The following VRK2 variants were observed in gnomAD, a reference collection of about 807,000 sequenced individuals.
VRK2 encodes the protein serine/threonine-protein kinase VRK2.
In VRK2, 60 loss-of-function variants were observed where a neutral mutation model predicts 57.6. The observed-to-expected ratio is 1.04, with a 90% CI of 0.85 to 1.29. VRK2 has a LOEUF of 1.29. Among genes scored for constraint, VRK2 ranks in the 50% most tolerant of loss-of-function variants. The pLI is 0.00. For missense variants in VRK2, 705 were observed against 588.1 expected (o/e 1.20, Z -2.06); for synonymous variants, 231 against 199.2 (o/e 1.16, Z -1.35).
At chr2:57,974,287 CAA>C (rs1419656915) in intron 1 of VRK2, among the ~76,000 whole-genome samples, 1 of 151,790 alleles carries the variant, frequency 6.6e-6, no homozygotes, top group African/African-American at 2.4e-5. Context: ...ATTGTCAGAT[CAA>C]GTGTGAACTT....
chr2:57,930,839 CAG>C (rs1308761857), intron 1 of VRK2, among the ~76,000 whole-genome samples: 1 of 152,058 alleles, frequency 6.6e-6, no homozygotes, highest in Non-Finnish European at 1.5e-5. Flanking sequence ...AGATATCATG[CAG>C]TATTTGTCGT....
At chr2:58,031,671 G>A (rs1187461909) in intron 2 of VRK2, among the ~76,000 whole-genome samples, 1 of 151,980 alleles carries the variant, frequency 6.6e-6, no homozygotes, top group Non-Finnish European at 1.5e-5. Context: ...GAAAATCTAG[G>A]TAAAACTGAC....
chr2:58,129,522 AAAAT>A (rs1573283034), intron 8 of VRK2, among the ~76,000 whole-genome samples: 1 of 152,202 alleles, frequency 6.6e-6, no homozygotes, highest in African/African-American at 2.4e-5. Flanking sequence ...AAATTAAAAA[AAAAT>A]TTTTATAGTT....
At chr2:57,923,322 T>C (rs1670416626) in intron 1 of VRK2, among the ~76,000 whole-genome samples, 1 of 152,054 alleles carries the variant, frequency 6.6e-6, no homozygotes, top group Non-Finnish European at 1.5e-5. Flanking sequence ...TCCACAGTGA[T>C]TGTACTAGTT....
intron 12 of VRK2, among the ~76,000 whole-genome samples, chr2:58,150,741 CA>C (rs768737967): frequency 4.6e-5 from 7 of 151,088 alleles, no homozygotes; most frequent in Non-Finnish European, 7.4e-5. Flanking sequence ...TTTTTTCCTT[CA>C]TTTTTTTTCT....
At chr2:57,959,290 C>T (rs954883435) in intron 1 of VRK2, among the ~76,000 whole-genome samples, 7 of 152,108 alleles carry the variant, frequency 4.6e-5, no homozygotes, top group African/African-American at 7.2e-5. Flanking sequence ...ATCATTCTTT[C>T]GGAAACATGT....
chr2:58,094,030 G>A (rs1256317271), intron 7 of VRK2, among the ~76,000 whole-genome samples: 10 of 152,284 alleles, frequency 6.6e-5, no homozygotes, highest in African/African-American at 2.2e-4. Context: ...CTATATCTCT[G>A]TTTTGGTACC....
intron 2 of VRK2, among the ~76,000 whole-genome samples, chr2:58,027,701 T>C (rs949169753): frequency 3.3e-5 from 5 of 152,084 alleles, no homozygotes; most frequent in African/African-American, 9.7e-5. Context: ...ATAGAAATAA[T>C]GACATAACTT....
intron 8 of VRK2, among the ~76,000 whole-genome samples, 177 bp from the exon 9 acceptor site, chr2:58,131,621 AGTCACTGCCT>A (rs1409446825): frequency 6.6e-6 from 1 of 152,148 alleles, no homozygotes; most frequent in East Asian, 1.9e-4. Flanking sequence ...AACAGCAACC[AGTCACTGCCT>A]GTCTGTGGAC....
At chr2:58,151,020 C>G (rs1318707878) in intron 12 of VRK2, among the ~76,000 whole-genome samples, 1 of 151,626 alleles carries the variant, frequency 6.6e-6, no homozygotes, top group Non-Finnish European at 1.5e-5. Flanking sequence ...TTAAAATTCA[C>G]TGAAACTTAT....
intron 12 of VRK2, among the ~76,000 whole-genome samples, chr2:58,158,165 G>A (rs1384749734): frequency 7.4e-6 from 1 of 134,488 alleles, no homozygotes; most frequent in East Asian, 2.2e-4. Flanking sequence ...ATATGTAAAT[G>A]CTGCTCTATG....
intron 8 of VRK2, 86 bp downstream of exon 8, chr2:58,123,319 C>A: frequency 6.7e-7 from 1 of 1,492,218 alleles, no homozygotes; most frequent in Non-Finnish European, 8.9e-7. Context: ...ATGACCTTTG[C>A]ATAGTCAGTT....
At chr2:57,946,442 G>C (rs78104330) in intron 1 of VRK2, among the ~76,000 whole-genome samples, 10,732 of 151,764 alleles carry the variant, frequency 0.071, 430 homozygotes, top group Non-Finnish European at 0.092. Context: ...CCCTTAATAA[G>C]TACTATTAAA....
chr2:58,116,392 C>T (rs1288655189), intron 7 of VRK2, among the ~76,000 whole-genome samples: 1 of 150,928 alleles, frequency 6.6e-6, no homozygotes, highest in Non-Finnish European at 1.5e-5. Context: ...ATATCTCGGC[C>T]TAATAAGGGA....
intron 1 of VRK2, 176 bp downstream of exon 1, chr2:58,047,044 T>G (rs1674879278): frequency 2.2e-6 from 2 of 924,904 alleles, no homozygotes; most frequent in Non-Finnish European, 2.6e-6. Context: ...CCGCGTTTGG[T>G]TCTTTTTTCC....
At chr2:58,043,985 C>T (rs1674570812), upstream of VRK2, among the ~76,000 whole-genome samples, 1 of 152,120 alleles carries the variant, frequency 6.6e-6, no homozygotes, top group Non-Finnish European at 1.5e-5. Flanking sequence ...TTTATAAGTG[C>T]ACACATTTAA....
chr2:58,066,061 A>G (rs1668565854), intron 2 of VRK2, among the ~76,000 whole-genome samples: 1 of 152,188 alleles, frequency 6.6e-6, no homozygotes, highest in Non-Finnish European at 1.5e-5. Flanking sequence ...ATCTGGAGAT[A>G]GGGACACCTT....
chr2:57,997,319 A>T (rs1013074206), intron 1 of VRK2, among the ~76,000 whole-genome samples: 1 of 152,030 alleles, frequency 6.6e-6, no homozygotes, highest in Non-Finnish European at 1.5e-5. Flanking sequence ...AATATTACCA[A>T]TATTGGAGAT....
chr2:58,080,292 G>C (rs893445681), intron 2 of VRK2, among the ~76,000 whole-genome samples: 1 of 151,760 alleles, frequency 6.6e-6, no homozygotes, highest in Non-Finnish European at 1.5e-5. Flanking sequence ...CTTGTTTTCT[G>C]GGTGAAAATA....
Sources: gnomAD v4.1 joint callset for allele counts (sites outside exome capture counted in the v4.1 genomes callset) on GRCh38, gnomAD v4.1.1 for gene constraint, MANE v1.5 for transcripts, NCBI Gene and HGNC (gene_info 2026-07-23, HGNC 2026-07-21) for gene names.